KCNH1: variants seen among roughly 807,000 people sequenced by gnomAD.
KCNH1 encodes the protein voltage-gated delayed rectifier potassium channel KCNH1.
Under a neutral mutation model 69.2 loss-of-function variants are expected in KCNH1, and 27 were observed. The ratio of observed to expected loss-of-function variants is 0.39; its 90% CI spans 0.29 to 0.54. KCNH1 has a LOEUF of 0.54. Among genes scored for constraint, KCNH1 ranks in the 20% least tolerant of loss-of-function variants. The pLI, the probability that KCNH1 is intolerant of heterozygous loss-of-function variation, is 0.68. For missense variants in KCNH1, 798 were observed against 1,261.6 expected (o/e 0.63, Z 5.57); for synonymous variants, 456 against 487.7 (o/e 0.93, Z 0.86).
chr1:211,114,632 G>T (rs544065284), intron 1 of KCNH1, among the ~76,000 whole-genome samples: 1 of 152,262 alleles, frequency 6.6e-6, no homozygotes, highest in African/African-American at 2.4e-5. Flanking sequence ...ATTCCCCCAG[G>T]TGGTTGGCCA....
intron 7 of KCNH1, among the ~76,000 whole-genome samples, chr1:210,854,274 A>G (rs1685779636): frequency 6.6e-6 from 1 of 152,230 alleles, no homozygotes; most frequent in Admixed American, 6.5e-5. Context: ...TTCACAGAAT[A>G]ACAAAAATAG....
intron 1 of KCNH1, among the ~76,000 whole-genome samples, chr1:211,122,458 C>G (rs1208087483): frequency 1.3e-5 from 2 of 152,178 alleles, no homozygotes; most frequent in African/African-American, 4.8e-5. Context: ...CTATTTGACC[C>G]AGCAATTCCA....
chr1:210,791,888 T>G (rs912049810), intron 9 of KCNH1, among the ~76,000 whole-genome samples: 3 of 152,172 alleles, frequency 2.0e-5, no homozygotes, highest in Middle Eastern at 3.2e-3. Flanking sequence ...TTAGGAACTG[T>G]GACAAGGAGG....
At chr1:210,778,396 A>T (rs915571687) in intron 9 of KCNH1, among the ~76,000 whole-genome samples, 7 of 152,106 alleles carry the variant, frequency 4.6e-5, no homozygotes, top group African/African-American at 1.7e-4. Context: ...GGTGGCATGC[A>T]CCTGTAGTTC....
intron 10 of KCNH1, among the ~76,000 whole-genome samples, chr1:210,711,085 T>C (rs911800023): frequency 1.3e-5 from 2 of 152,214 alleles, no homozygotes; most frequent in Non-Finnish European, 2.9e-5. Flanking sequence ...CAAATCTCCC[T>C]TTATTTTGGC....
intron 1 of KCNH1, among the ~76,000 whole-genome samples, chr1:211,123,527 T>C (rs1169028778): frequency 2.0e-5 from 3 of 151,540 alleles, no homozygotes; most frequent in Non-Finnish European, 4.4e-5. Flanking sequence ...CAAAGAGACA[T>C]GGACAGTGGC....
rs1254541017 is a variant in KCNH1, at chr1:210,681,238, C to G, written c.*2043G>C. ...TCCAGATATTTTACGGCCTCTTACC[C>G]AAGGACTGGTTGGCAGCTTCTCAAG... On this transcript the variant is annotated 3_prime_UTR_variant, in exon 11 of 11. Coordinates refer to ENST00000271751, the MANE Select transcript of KCNH1 (RefSeq NM_172362.3). 1 of 152,238 alleles carries G rather than the reference C, an allele frequency of 6.6e-6. No individual in the cohort carries two copies. Among genetic ancestry groups the G allele is most frequent in the African/African-American group, 2.4e-5 (1 of 41,460 alleles). 9.4% of individuals were successfully genotyped at this position (152,238 alleles called of 1,614,324 possible). A position where few individuals can be genotyped will look rare whatever the true frequency, so the allele number is the denominator to read the frequency against.
At chr1:210,765,151 A>G (rs952680902) in intron 10 of KCNH1, among the ~76,000 whole-genome samples, 1 of 152,190 alleles carries the variant, frequency 6.6e-6, no homozygotes, top group Admixed American at 6.5e-5. Flanking sequence ...TAGTAGCTCA[A>G]CATTGAGTAC....
intron 6 of KCNH1, among the ~76,000 whole-genome samples, chr1:210,936,648 A>G (rs539790260): frequency 7.8e-4 from 119 of 152,234 alleles, no homozygotes; most frequent in African/African-American, 2.8e-3. Flanking sequence ...TTGCATACCA[A>G]TTTCTTGGCC....
At chr1:210,751,905 G>A (rs12133838) in intron 10 of KCNH1, among the ~76,000 whole-genome samples, 10,045 of 152,068 alleles carry the variant, frequency 0.066, 360 homozygotes, top group Admixed American at 0.099. Context: ...AGAACACCAT[G>A]GAAACACAAA....
At chr1:210,744,542 G>A (rs1683104726) in intron 10 of KCNH1, among the ~76,000 whole-genome samples, 2 of 152,176 alleles carry the variant, frequency 1.3e-5, no homozygotes, top group South Asian at 4.1e-4. Flanking sequence ...TACTCAGGAG[G>A]CTGAGGCAGG....
At chr1:210,814,925 A>G (rs1324901185) in intron 7 of KCNH1, among the ~76,000 whole-genome samples, 1 of 152,216 alleles carries the variant, frequency 6.6e-6, no homozygotes, top group East Asian at 1.9e-4. Flanking sequence ...GAGTCACTTC[A>G]GAGGCATCTT....
In KCNH1 at chr1:210,683,596, G is replaced by A. The variant is rs771890664; in HGVS notation, c.2655C>T (p.Thr885=). Residue 885 remains threonine, a synonymous_variant, in exon 11 of 11, where the codon ACC becomes ACT. Transcript: ENST00000271751. This position sits in a 1 kb window ranked among gnomAD's most constrained non-coding sequence, Gnocchi z 5.7. ...KKTDSCDSGI[T]KSDLRLDNVG... is the part of the protein sequence containing the mutation. ...CGTTGTCCAGGCGCAAGTCGCTCTTGGTGATGCCACTGTCACACGAGTCTG... is the reference window on the plus strand; with the variant it reads ...CGTTGTCCAGGCGCAAGTCGCTCTTAGTGATGCCACTGTCACACGAGTCTG... 14 of 1,614,040 alleles carry A rather than the reference G, an allele frequency of 8.7e-6. No homozygotes were observed. The highest frequency in any genetic ancestry group is 1.2e-5 in the Non-Finnish European group (14 of 1,180,042).
At chr1:210,862,291 T>C in intron 7 of KCNH1, 1 of 889,428 alleles carries the variant, frequency 1.1e-6, no homozygotes, top group Non-Finnish European at 1.9e-6. Flanking sequence ...CATTGCAGCA[T>C]GAACTAGGTC....
At chr1:210,799,798 T>C (rs889024080) in intron 8 of KCNH1, among the ~76,000 whole-genome samples, 2 of 152,164 alleles carry the variant, frequency 1.3e-5, no homozygotes, top group Non-Finnish European at 2.9e-5. Flanking sequence ...ATCCCCAAAT[T>C]TGGAAGACTT....
chr1:210,834,726 T>C (rs1685246099), intron 7 of KCNH1, among the ~76,000 whole-genome samples: 2 of 149,030 alleles, frequency 1.3e-5, no homozygotes, highest in African/African-American at 4.9e-5. Context: ...CTGTGATGTG[T>C]GATGGTATTA....
At chr1:210,718,270 A>G (rs1478539283) in intron 10 of KCNH1, among the ~76,000 whole-genome samples, 7 of 92,196 alleles carry the variant, frequency 7.6e-5, no homozygotes, top group Admixed American at 1.2e-4. Flanking sequence ...TTATAAATAT[A>G]TGTGCATATA....
intron 6 of KCNH1, among the ~76,000 whole-genome samples, chr1:210,987,211 C>G (rs1165139987): frequency 6.6e-6 from 1 of 152,108 alleles, no homozygotes; most frequent in Non-Finnish European, 1.5e-5. Flanking sequence ...TTTTTAACTT[C>G]TTTGCCGTGG....
chr1:210,896,284 T>A (rs1196396689), intron 7 of KCNH1, among the ~76,000 whole-genome samples: 1 of 152,066 alleles, frequency 6.6e-6, no homozygotes, highest in East Asian at 1.9e-4. Context: ...GTGTCATCAA[T>A]GTACGGGATC....
Sources: allele counts gnomAD v4.1 joint callset (sites outside exome capture counted in the v4.1 genomes callset), GRCh38; gene constraint gnomAD v4.1.1; non-coding constraint Gnocchi (gnomAD v3.1); transcripts MANE v1.5; gene names NCBI Gene and HGNC (gene_info 2026-07-23, HGNC 2026-07-21).